The following RPTOR variants were observed in gnomAD, a reference collection of about 807,000 sequenced individuals.
RPTOR encodes regulatory-associated protein of mTOR.
A neutral mutation model predicts 169.9 loss-of-function variants in RPTOR; 21 were observed. The observed-to-expected ratio is 0.12, with a 90% confidence interval of 0.09 to 0.18. The LOEUF (loss-of-function observed/expected upper bound fraction) is 0.18, where lower values mean the gene tolerates loss of function less well. RPTOR is among the 10% of genes least tolerant of loss of function. The pLI is 1.00. For synonymous variants in RPTOR, 732 were observed against 753.2 expected (o/e 0.97, Z 0.46); for missense variants, 1,133 against 1,855.9 (o/e 0.61, Z 7.16).
rs867277116 is a variant in RPTOR, at chr17:80,878,898, G to A, written c.1510-1517G>A. 9.9e-5 allele frequency among the ~76,000 whole-genome samples: 15 copies of A among 152,078 alleles called. No homozygotes were observed. Among genetic ancestry groups the A allele is most frequent in the Admixed American group, 5.2e-4 (8 of 15,268 alleles). On this transcript the variant is annotated intron_variant, in intron 13 of 33. Coordinates refer to ENST00000306801, the MANE Select transcript of RPTOR (RefSeq NM_020761.3). This position sits in a 1 kb window ranked among gnomAD's most constrained non-coding sequence, Gnocchi z 4.1. ...CGGTAACACTGCCAGCCTCAGAGCCGGCCTGTTTCCTCCAGGACGCCCACA... is the reference window on the plus strand; with the variant it reads ...CGGTAACACTGCCAGCCTCAGAGCCAGCCTGTTTCCTCCAGGACGCCCACA...
chr17:80,774,808 C>T (rs1447381392), intron 6 of RPTOR, among the ~76,000 whole-genome samples: 1 of 152,200 alleles, frequency 6.6e-6, no homozygotes, highest in African/African-American at 2.4e-5. Context: ...CGTAAGATGC[C>T]ACAGAGAAAT....
At chr17:80,610,836 C>T (rs2065265202) in intron 1 of RPTOR, among the ~76,000 whole-genome samples, 1 of 152,228 alleles carries the variant, frequency 6.6e-6, no homozygotes, top group Admixed American at 6.5e-5. Context: ...GTATCATCAT[C>T]TTAGACACCA....
At position 80,929,574 on chromosome 17, in the gene RPTOR, G is replaced by A. The variant is rs140019054; in HGVS notation, c.2919+4094G>A. Among the ~76,000 whole-genome samples, 768 of 152,366 alleles carry A rather than the reference G, an allele frequency of 5.0e-3. 5 individuals carry two copies. The highest frequency in any genetic ancestry group is 0.018 in the African/African-American group (740 of 41,584). On this transcript the variant is annotated intron_variant, in intron 24 of 33. Coordinates refer to ENST00000306801, the MANE Select transcript of RPTOR (RefSeq NM_020761.3). ...CCTTAAAGCTACAGTGGGGATTTCCGTTTGGCGGCTCCGCAGAGCATGGGG... is the reference window on the plus strand; with the variant it reads ...CCTTAAAGCTACAGTGGGGATTTCCATTTGGCGGCTCCGCAGAGCATGGGG...
rs761523980 is a variant in RPTOR, at chr17:80,754,141, A to G, written c.786A>G (p.Leu262=). 7 of 1,613,122 alleles carry G rather than the reference A, an allele frequency of 4.3e-6. 1 individual carries two copies. In the South Asian group the frequency reaches 6.6e-5, roughly 15 times the overall value. The change falls in exon 6 of 34, where the codon CTA becomes CTG. Residue 262 remains leucine, a synonymous_variant. Transcript: ENST00000306801. The surrounding 1 kb of genome is among the most constrained non-coding windows in gnomAD (Gnocchi z 4.2). The part of the protein sequence containing the change: ...LPMIPDLPAD[L]FTSCLTTPIK... ...TGATCCCCGACCTCCCGGCTGACCT[A>G]TTCACCTCCTGCCTCACCACCCCCA...
intron 7 of RPTOR, among the ~76,000 whole-genome samples, chr17:80,796,247 A>G (rs2067100412): frequency 6.6e-6 from 1 of 152,236 alleles, no homozygotes; most frequent in African/African-American, 2.4e-5. Context: ...TCACACGGTC[A>G]CAAGATCCCA....
At chr17:80,636,931 G>A (rs1223122885) in intron 2 of RPTOR, among the ~76,000 whole-genome samples, 2 of 152,224 alleles carry the variant, frequency 1.3e-5, no homozygotes, top group African/African-American at 2.4e-5. Flanking sequence ...CTTGCAGGAC[G>A]GCCGCTCACT....
chr17:80,811,669 C>T (rs952407084), intron 7 of RPTOR, among the ~76,000 whole-genome samples: 6 of 146,150 alleles, frequency 4.1e-5, no homozygotes, highest in South Asian at 2.2e-4. Flanking sequence ...ACTGTACCCA[C>T]GGGACACAGC....
intron 7 of RPTOR, chr17:80,802,730 G>A (rs2067174206): frequency 6.6e-6 from 1 of 152,410 alleles, no homozygotes; most frequent in Admixed American, 6.5e-5. Context: ...CCCAGGTGCA[G>A]AGCGAGGAAG....
intron 7 of RPTOR, among the ~76,000 whole-genome samples, chr17:80,810,470 A>G (rs2067262378): frequency 6.6e-6 from 1 of 152,118 alleles, no homozygotes; most frequent in African/African-American, 2.4e-5. Context: ...GTATAGTTCT[A>G]TTCTATTCTC....
At chr17:80,772,582 G>A (rs2066855610) in intron 6 of RPTOR, among the ~76,000 whole-genome samples, 2 of 133,850 alleles carry the variant, frequency 1.5e-5, no homozygotes, top group African/African-American at 5.7e-5. Context: ...GGTCTTCAGT[G>A]CCTCCCTGAT....
intron 2 of RPTOR, 132 bp downstream of exon 2, chr17:80,625,925 TG>T (rs2096581649): frequency 1.6e-6 from 1 of 643,794 alleles, no homozygotes; most frequent in Admixed American, 2.7e-5. Context: ...TTTTTCTTTC[TG>T]GAGTCACATC....
intron 2 of RPTOR, among the ~76,000 whole-genome samples, chr17:80,634,619 TGC>T (rs1195201188): frequency 0.038 from 2,074 of 54,358 alleles, 457 homozygotes; most frequent in Non-Finnish European, 0.057. Context: ...GTGTACTGTG[TGC>T]GTGTGCGTAC....
intron 17 of RPTOR, among the ~76,000 whole-genome samples, chr17:80,891,117 TC>T (rs1157814562): frequency 6.6e-6 from 1 of 152,220 alleles, no homozygotes; most frequent in Admixed American, 6.5e-5. Context: ...CACTGAACTG[TC>T]CTAAAAGAGA....
At chr17:80,951,961 A>G (rs1366152092) in intron 28 of RPTOR, among the ~76,000 whole-genome samples, 1 of 152,222 alleles carries the variant, frequency 6.6e-6, no homozygotes, top group Non-Finnish European at 1.5e-5. Context: ...AGAAGAGGCC[A>G]CCAGGACACA....
At chr17:80,890,910 CA>C (rs2068314228) in intron 17 of RPTOR, among the ~76,000 whole-genome samples, 1 of 151,992 alleles carries the variant, frequency 6.6e-6, no homozygotes, top group Non-Finnish European at 1.5e-5. Context: ...GCTGTGGAGA[CA>C]GGGGCGTCAC....
At position 80,787,385 on chromosome 17, in the gene RPTOR, A is replaced by T. The variant is rs78260726; in HGVS notation, c.831-4065A>T. On this transcript the variant is annotated intron_variant, in intron 6 of 33. Transcript: ENST00000306801. ...GTGTGCACCTGCTACTCCTTAATGG[A>T]CACTTGAGCTTTTTCAGCTTCTTCC... is the stretch of plus-strand genomic sequence containing the variant. Among the ~76,000 whole-genome samples the T allele has an allele frequency of 2.8e-4, 43 of 152,244 alleles. No individual in the cohort carries two copies. In the South Asian group the frequency reaches 5.0e-3, roughly 18 times the overall value.
At chr17:80,546,861 G>C (rs1265226111) in intron 1 of RPTOR, among the ~76,000 whole-genome samples, 1 of 152,152 alleles carries the variant, frequency 6.6e-6, no homozygotes. Flanking sequence ...CTGAGGTCAG[G>C]AGTTTGAGAC....
intron 2 of RPTOR, among the ~76,000 whole-genome samples, chr17:80,641,131 G>A (rs940551406): frequency 6.6e-6 from 1 of 152,232 alleles, no homozygotes; most frequent in Non-Finnish European, 1.5e-5. Flanking sequence ...TTGTGGGTCT[G>A]ATCACAGCAC....
rs533987566 is a variant in RPTOR at position 80,899,465 on chromosome 17, ATTTCCCCTG to A, written c.2401+5601_2401+5609del. 4.6e-3 allele frequency among the ~76,000 whole-genome samples: 702 copies of A among 152,302 alleles called. 13 individuals carry two copies. The highest frequency in any genetic ancestry group is 0.016 in the African/African-American group (665 of 41,542). ...TCATAGTATTCTGTTTTGATTACAC[ATTTCCCCTG>A]GCCCCGGCCACAGCTCCTGTGAATA... On this transcript the variant is annotated intron_variant, in intron 20 of 33. Coordinates refer to ENST00000306801, the MANE Select transcript of RPTOR (RefSeq NM_020761.3).
Sources: gnomAD v4.1 joint callset for allele counts (sites outside exome capture counted in the v4.1 genomes callset) on GRCh38, gnomAD v4.1.1 for gene constraint, Gnocchi (gnomAD v3.1) non-coding constraint, MANE v1.5 for transcripts, NCBI Gene and HGNC (gene_info 2026-07-23, HGNC 2026-07-21) for gene names.